Variants in TLK1 observed in about 807,000 individuals in gnomAD.
TLK1 encodes tousled like kinase 1.
Under a neutral mutation model 105.3 loss-of-function variants are expected in TLK1, and 24 were observed. The observed-to-expected ratio is 0.23, with a 90% CI of 0.17 to 0.32. TLK1 has a LOEUF of 0.32. TLK1 is among the 10% of genes least tolerant of loss of function. The probability of loss-of-function intolerance (pLI) is 1.00; values close to 1 mark genes in which losing one functional copy is unlikely to be tolerated. For synonymous variants in TLK1, 321 were observed against 310.4 expected (o/e 1.03, Z -0.36); for missense variants, 558 against 910.5 (o/e 0.61, Z 4.98).
At chr2:171,121,656 AAAGCATG>A (rs1282814523) in intron 1 of TLK1, among the ~76,000 whole-genome samples, 2 of 152,236 alleles carry the variant, frequency 1.3e-5, no homozygotes, top group African/African-American at 4.8e-5. Context: ...AAACATTTAT[AAAGCATG>A]TATGTGCTAT....
intron 1 of TLK1, among the ~76,000 whole-genome samples, chr2:171,122,810 G>A (rs185320466): frequency 8.5e-4 from 129 of 152,096 alleles, no homozygotes; most frequent in African/African-American, 3.0e-3. Context: ...AGACTGAGGA[G>A]GGCGGATCAC....
chr2:171,036,393 C>T (rs369656624), intron 11 of TLK1, among the ~76,000 whole-genome samples: 11 of 151,998 alleles, frequency 7.2e-5, no homozygotes, highest in Non-Finnish European at 1.5e-4. Flanking sequence ...TGTCTCCCCC[C>T]CCAAAAAAAG....
At chr2:171,111,159 T>C (rs1473554993) in intron 2 of TLK1, among the ~76,000 whole-genome samples, 1 of 152,044 alleles carries the variant, frequency 6.6e-6, no homozygotes, top group Non-Finnish European at 1.5e-5. Context: ...AAAAGGAGAA[T>C]ATGAAGAAAG....
intron 20 of TLK1, among the ~76,000 whole-genome samples, chr2:170,994,546 AAAAAAACCTTTCC>A (rs1683959779): frequency 6.6e-6 from 1 of 151,926 alleles, no homozygotes; most frequent in African/African-American, 2.4e-5. Context: ...TACAAAAAAA[AAAAAAACCTTTCC>A]TGAAGTGTAA....
intron 1 of TLK1, among the ~76,000 whole-genome samples, chr2:171,204,963 G>A (rs201691134): frequency 4.7e-5 from 7 of 149,868 alleles, no homozygotes; most frequent in Non-Finnish European, 4.4e-5. Context: ...AAAAAAAAAA[G>A]AAAAAAAAAG....
chr2:171,137,697 A>C (rs1691385094), intron 1 of TLK1, among the ~76,000 whole-genome samples: 1 of 151,900 alleles, frequency 6.6e-6, no homozygotes, highest in Non-Finnish European at 1.5e-5. Flanking sequence ...AAAATACAAA[A>C]AATTAGCCGG....
intron 1 of TLK1, among the ~76,000 whole-genome samples, chr2:171,183,035 T>C (rs1250327087): frequency 1.3e-5 from 2 of 152,114 alleles, no homozygotes; most frequent in African/African-American, 4.8e-5. Flanking sequence ...GGGTTATTTG[T>C]ATAATTCTTG....
chr2:171,073,182 T>C (rs1688339896), intron 3 of TLK1, among the ~76,000 whole-genome samples: 1 of 152,158 alleles, frequency 6.6e-6, no homozygotes, highest in Non-Finnish European at 1.5e-5. Flanking sequence ...GACTTCTTCC[T>C]TTCCAATTTG....
intron 1 of TLK1, among the ~76,000 whole-genome samples, chr2:171,148,630 C>T (rs1267738769): frequency 3.3e-5 from 5 of 152,000 alleles, no homozygotes; most frequent in African/African-American, 1.2e-4. Context: ...CACCTGGAAT[C>T]CCAGCACTTT....
upstream of TLK1, among the ~76,000 whole-genome samples, chr2:171,164,525 A>G (rs1047834481): frequency 2.6e-5 from 4 of 152,154 alleles, no homozygotes; most frequent in Non-Finnish European, 4.4e-5. Flanking sequence ...TGCCCCAAAA[A>G]GTTAATAATA....
intron 6 of TLK1, among the ~76,000 whole-genome samples, chr2:171,055,751 T>C (rs1687471583): frequency 6.6e-6 from 1 of 151,744 alleles, no homozygotes; most frequent in Admixed American, 6.6e-5. Flanking sequence ...ACAAAATGAG[T>C]AAAACAAAAC....
chr2:171,147,508 C>G (rs1691837202), intron 1 of TLK1, among the ~76,000 whole-genome samples: 1 of 152,188 alleles, frequency 6.6e-6, no homozygotes, highest in African/African-American at 2.4e-5. Flanking sequence ...TCCCAAGTAG[C>G]TGGGACTACA....
At chr2:171,060,603 A>G (rs1346532356) in intron 4 of TLK1, among the ~76,000 whole-genome samples, 1 of 152,218 alleles carries the variant, frequency 6.6e-6, no homozygotes, top group Non-Finnish European at 1.5e-5. Context: ...TCTATTCATT[A>G]TAAGATATTT....
At chr2:171,024,621 A>T (rs561678162) in intron 12 of TLK1, among the ~76,000 whole-genome samples, 48 of 152,302 alleles carry the variant, frequency 3.2e-4, no homozygotes, top group Non-Finnish European at 5.7e-4. Context: ...CTACAACAAA[A>T]TAATTCTAGG....
At chr2:171,157,264 T>C (rs771184937) in intron 1 of TLK1, among the ~76,000 whole-genome samples, 4 of 152,190 alleles carry the variant, frequency 2.6e-5, no homozygotes, top group Admixed American at 6.6e-5. Context: ...TGTACTGATA[T>C]GCAAAAAAAC....
intron 2 of TLK1, among the ~76,000 whole-genome samples, chr2:171,116,417 T>C (rs1357354140): frequency 6.6e-6 from 1 of 152,028 alleles, no homozygotes; most frequent in African/African-American, 2.4e-5. Flanking sequence ...ATGCTCAAAA[T>C]AGGCCGACCG....
intron 1 of TLK1, among the ~76,000 whole-genome samples, chr2:171,191,400 AC>A (rs144150800): frequency 0.037 from 5,588 of 149,300 alleles, 349 homozygotes; most frequent in African/African-American, 0.13. Flanking sequence ...GAGACCCACC[AC>A]CCCCCCCTCT....
chr2:171,040,157 G>C (rs987642960), intron 11 of TLK1, among the ~76,000 whole-genome samples: 1 of 152,146 alleles, frequency 6.6e-6, no homozygotes, highest in Non-Finnish European at 1.5e-5. Context: ...GGGGAGACTA[G>C]GTAGGATAAA....
intron 2 of TLK1, among the ~76,000 whole-genome samples, chr2:171,098,986 T>C (rs1689576544): frequency 2.0e-5 from 3 of 152,206 alleles, no homozygotes. Context: ...AGGACATTTA[T>C]GAAGCACTCA....
Sources: allele counts gnomAD v4.1 joint callset (sites outside exome capture counted in the v4.1 genomes callset), GRCh38; gene constraint gnomAD v4.1.1; transcripts MANE v1.5; gene names NCBI Gene and HGNC (gene_info 2026-07-23, HGNC 2026-07-21).